The following AFAP1 variants were observed in gnomAD, a reference collection of about 807,000 sequenced individuals.
The protein encoded by AFAP1 is actin filament associated protein 1, also known as actin filament-associated protein 1.
AFAP1 carries 75 observed loss-of-function variants against 93.9 expected under a neutral mutation model. That is an observed-to-expected ratio of 0.80 (90% CI 0.66 to 0.97). The LOEUF is 0.97. Among genes scored for constraint, AFAP1 ranks in the 50% least tolerant of loss-of-function variants. The probability of loss-of-function intolerance (pLI) is 0.00; values close to 1 mark genes in which losing one functional copy is unlikely to be tolerated. For synonymous variants in AFAP1, 517 were observed against 430.7 expected, an observed-to-expected ratio of 1.20 and a Z score of -2.48; for missense variants, 1,201 against 1,050.8, an observed-to-expected ratio of 1.14 and a Z score of -1.98.
At chr4:7,937,476 A>G (rs1331946950) in intron 1 of AFAP1, among the ~76,000 whole-genome samples, 2 of 152,134 alleles carry the variant, frequency 1.3e-5, no homozygotes, top group African/African-American at 4.8e-5. Flanking sequence ...CCGGACGTAG[A>G]CCCAGTACAT....
At chr4:7,784,554 C>G (rs1406836012) in intron 12 of AFAP1, among the ~76,000 whole-genome samples, 1 of 152,164 alleles carries the variant, frequency 6.6e-6, no homozygotes, top group Admixed American at 6.5e-5. Flanking sequence ...GGGGGCAGAT[C>G]AAGTGATGAG....
chr4:7,818,561 G>A (rs1720689032), intron 7 of AFAP1, among the ~76,000 whole-genome samples: 1 of 152,088 alleles, frequency 6.6e-6, no homozygotes, highest in Non-Finnish European at 1.5e-5. Flanking sequence ...TGCAGAGCAG[G>A]GCCTGCGGCG....
intron 4 of AFAP1, among the ~76,000 whole-genome samples, chr4:7,847,397 A>C (rs1283436470): frequency 6.6e-6 from 1 of 152,164 alleles, no homozygotes; most frequent in Non-Finnish European, 1.5e-5. Flanking sequence ...AAGTATGCTT[A>C]GCAGTGTCCC....
At chr4:7,847,402 T>A (rs1713834242) in intron 4 of AFAP1, among the ~76,000 whole-genome samples, 1 of 152,048 alleles carries the variant, frequency 6.6e-6, no homozygotes, top group African/African-American at 2.4e-5. Flanking sequence ...TGCTTAGCAG[T>A]GTCCCAATCA....
intron 4 of AFAP1, among the ~76,000 whole-genome samples, chr4:7,849,838 GA>G (rs1413832855): frequency 1.3e-5 from 2 of 152,080 alleles, no homozygotes; most frequent in Non-Finnish European, 2.9e-5. Flanking sequence ...CAAAATACAA[GA>G]GCTACAAAAT....
intron 10 of AFAP1, among the ~76,000 whole-genome samples, chr4:7,796,019 A>G (rs1418392041): frequency 6.6e-6 from 1 of 152,150 alleles, no homozygotes; most frequent in East Asian, 1.9e-4. Context: ...GTATATATAC[A>G]CTTGTAAGTA....
chr4:7,838,750 C>T, intron 5 of AFAP1, 47 bp from the exon 6 acceptor site: 1 of 1,591,314 alleles, frequency 6.3e-7, no homozygotes, highest in South Asian at 1.1e-5. Context: ...GGAGTTCGAA[C>T]AGAAACACTG....
At chr4:7,879,258 A>T (rs1409188230) in intron 1 of AFAP1, among the ~76,000 whole-genome samples, 1 of 152,170 alleles carries the variant, frequency 6.6e-6, no homozygotes, top group Non-Finnish European at 1.5e-5. Context: ...TATCCAAAAT[A>T]ACTGTCTGCA....
In AFAP1 at chr4:7,868,871, AT is replaced by A. The variant is rs1716733106; in HGVS notation, c.128-153del. The A allele has an allele frequency of 6.4e-6, 4 of 626,846 alleles. No homozygotes were observed. The East Asian group carries it at 1.4e-4, about 21-fold the overall frequency. The allele number at this position is 626,846 out of a possible 1,614,324, so 38.8% of individuals were successfully genotyped here. On this transcript the variant is annotated intron_variant, in intron 2 of 17. Coordinates refer to ENST00000420658, the MANE Select transcript of AFAP1 (RefSeq NM_001134647.2). ...CAACAGTCCTGCAAGGTTAGGTATTATTCTTCTCCATTTTACAGGTGAAGAA... is the reference window on the plus strand; with the variant it reads ...CAACAGTCCTGCAAGGTTAGGTATTATCTTCTCCATTTTACAGGTGAAGAA...
intron 12 of AFAP1, among the ~76,000 whole-genome samples, chr4:7,783,773 C>G (rs942990223): frequency 6.6e-6 from 1 of 152,160 alleles, no homozygotes; most frequent in Admixed American, 6.5e-5. Context: ...TGTGGTTCCA[C>G]AGGGTGAAGA....
At chr4:7,855,611 T>C (rs906021611) in intron 3 of AFAP1, 37 bp from the exon 4 acceptor site, 61 of 1,489,762 alleles carry the variant, frequency 4.1e-5, no homozygotes, top group Non-Finnish European at 5.6e-5. Context: ...GAAATTAGCA[T>C]GACCATTAGA....
intron 3 of AFAP1, among the ~76,000 whole-genome samples, chr4:7,861,066 T>A (rs796284558): frequency 2.6e-4 from 39 of 152,306 alleles, no homozygotes; most frequent in African/African-American, 9.1e-4. Context: ...AGCTGAGAAA[T>A]ACATACACCT....
intron 9 of AFAP1, among the ~76,000 whole-genome samples, chr4:7,803,175 G>A (rs2149036875): frequency 6.6e-6 from 1 of 152,302 alleles, no homozygotes; most frequent in Admixed American, 6.5e-5. Context: ...TGGTGTATCT[G>A]AAAGGAAGAG....
chr4:7,933,492 G>A (rs1721213220), intron 1 of AFAP1, among the ~76,000 whole-genome samples: 1 of 152,186 alleles, frequency 6.6e-6, no homozygotes, highest in Non-Finnish European at 1.5e-5. Flanking sequence ...AGAATCACTT[G>A]AACCCCAGAG....
At chr4:7,887,864 T>C (rs1170363690) in intron 1 of AFAP1, among the ~76,000 whole-genome samples, 1 of 152,106 alleles carries the variant, frequency 6.6e-6, no homozygotes, top group Non-Finnish European at 1.5e-5. Context: ...TCTCGCTCCA[T>C]TGCCCAGGCT....
At chr4:7,920,392 C>T (rs1011817805) in intron 1 of AFAP1, among the ~76,000 whole-genome samples, 4 of 152,098 alleles carry the variant, frequency 2.6e-5, no homozygotes, top group Non-Finnish European at 5.9e-5. Context: ...AATTATTGTG[C>T]GCTAACTTTT....
intron 15 of AFAP1, chr4:7,773,244 C>T: frequency 1.8e-6 from 1 of 565,510 alleles, no homozygotes; most frequent in Non-Finnish European, 2.9e-6. Flanking sequence ...AGAGGAGATG[C>T]TGATTCTGAC....
At chr4:7,895,706 C>T (rs760003254) in intron 1 of AFAP1, among the ~76,000 whole-genome samples, 59 of 152,104 alleles carry the variant, frequency 3.9e-4, no homozygotes, top group Non-Finnish European at 2.6e-4. Flanking sequence ...AATGACAGAG[C>T]GAGCTCTGCT....
chr4:7,855,318 G>A, intron 4 of AFAP1, 148 bp downstream of exon 4: 1 of 614,794 alleles, frequency 1.6e-6, no homozygotes, highest in Non-Finnish European at 2.8e-6. Flanking sequence ...AACCTTTCCT[G>A]TACTGACAAT....
Sources: allele counts gnomAD v4.1 joint callset (sites outside exome capture counted in the v4.1 genomes callset), GRCh38; gene constraint gnomAD v4.1.1; transcripts MANE v1.5; gene names NCBI Gene and HGNC (gene_info 2026-07-23, HGNC 2026-07-21).